RARB: variants seen among roughly 807,000 people sequenced by gnomAD.
RARB encodes HBV-activated protein.
A neutral mutation model predicts 51.9 loss-of-function variants in RARB; 17 were observed. That is an observed-to-expected ratio of 0.33 (90% CI 0.22 to 0.49). The LOEUF is 0.49. Ranked by LOEUF, RARB falls within the 20% of genes least tolerant of loss-of-function variation. The probability of loss-of-function intolerance (pLI) is 0.99; values close to 1 mark genes in which losing one functional copy is unlikely to be tolerated. For synonymous variants in RARB, 215 were observed against 195.4 expected (o/e 1.10, Z -0.84); for missense variants, 369 against 550.8 (o/e 0.67, Z 3.30).
chr3:24,873,327 C>T (rs141378107), intron 2 of RARB, among the ~76,000 whole-genome samples: 113 of 152,102 alleles, frequency 7.4e-4, no homozygotes, highest in Non-Finnish European at 1.4e-3. Context: ...CATTTAACTT[C>T]GTTAATGGTT....
intron 2 of RARB, among the ~76,000 whole-genome samples, chr3:24,867,754 C>G (rs1702878112): frequency 6.6e-6 from 1 of 151,884 alleles, no homozygotes; most frequent in Non-Finnish European, 1.5e-5. Context: ...TCCTCTTGTT[C>G]AGGTCCTGCC....
At chr3:25,051,113 T>A (rs1417676903) in intron 2 of RARB, among the ~76,000 whole-genome samples, 2 of 152,174 alleles carry the variant, frequency 1.3e-5, no homozygotes, top group African/African-American at 2.4e-5. Context: ...TAGGGTTTCC[T>A]TTTCTGAAGC....
chr3:25,582,954 A>G lies in RARB; in HGVS notation c.786+2232A>G, dbSNP rs187368296. On this transcript the variant is annotated intron_variant, in intron 5 of 7. Transcript: ENST00000330688. ...CTAGCACGTAGTAGGTACTTAGCCA[A>G]TGATGTTGATGACAAGGCCAAAGCT... Among the ~76,000 whole-genome samples, 67 of 152,334 alleles carry G rather than the reference A, an allele frequency of 4.4e-4. 1 individual carries two copies. The South Asian group carries it at 7.5e-3, about 17-fold the overall frequency.
At chr3:25,238,910 C>A (rs112056370) in intron 5 of RARB, among the ~76,000 whole-genome samples, 1 of 151,250 alleles carries the variant, frequency 6.6e-6, no homozygotes, top group East Asian at 2.0e-4. Flanking sequence ...ACCCAGGAGG[C>A]GGAGGTTGCA....
intron 5 of RARB, among the ~76,000 whole-genome samples, chr3:25,415,119 C>G (rs1489623387): frequency 1.3e-5 from 2 of 152,072 alleles, no homozygotes; most frequent in Admixed American, 6.6e-5. Context: ...TGGGATTGCG[C>G]TTTGCACTAT....
chr3:25,144,048 A>G (rs1334619252), intron 4 of RARB, among the ~76,000 whole-genome samples: 2 of 152,206 alleles, frequency 1.3e-5, no homozygotes, highest in African/African-American at 4.8e-5. Flanking sequence ...TCTTATGGGA[A>G]TCAATTTGCA....
chr3:25,240,477 C>A (rs1164830684), intron 5 of RARB, among the ~76,000 whole-genome samples: 1 of 151,842 alleles, frequency 6.6e-6, no homozygotes, highest in East Asian at 1.9e-4. Context: ...TTATATATGG[C>A]CTTTATTATA....
intron 2 of RARB, among the ~76,000 whole-genome samples, chr3:24,951,555 C>T (rs181215328): frequency 5.9e-5 from 9 of 152,176 alleles, no homozygotes; most frequent in Admixed American, 2.6e-4. Flanking sequence ...GTTTTGGGTC[C>T]GATGACATAT....
chr3:24,861,193 A>G (rs1282012387), intron 2 of RARB, among the ~76,000 whole-genome samples: 3 of 152,198 alleles, frequency 2.0e-5, no homozygotes, highest in South Asian at 2.1e-4. Context: ...AGTATAGTAT[A>G]ACTACTATTT....
At chr3:25,442,587 C>T (rs1261406828) in intron 1 of RARB, among the ~76,000 whole-genome samples, 1 of 152,102 alleles carries the variant, frequency 6.6e-6, no homozygotes, top group Non-Finnish European at 1.5e-5. Context: ...AGCCTTTACT[C>T]TTCTCTCCTA....
intron 5 of RARB, among the ~76,000 whole-genome samples, chr3:25,176,488 C>T (rs776393231): frequency 2.7e-5 from 4 of 150,892 alleles, no homozygotes; most frequent in African/African-American, 9.8e-5. Flanking sequence ...CTCCACCTCC[C>T]GGTTTCAGGT....
intron 3 of RARB, among the ~76,000 whole-genome samples, chr3:25,548,980 T>C (rs1699733785): frequency 6.6e-6 from 1 of 152,154 alleles, no homozygotes; most frequent in Non-Finnish European, 1.5e-5. Flanking sequence ...TGACTCACGT[T>C]AGGAAGTAAC....
At position 25,040,633 on chromosome 3, in the gene RARB, G is replaced by A. The variant is rs542592918; in HGVS notation, c.-379-19492G>A. Among the ~76,000 whole-genome samples, 3 of 152,056 alleles carry A rather than the reference G, an allele frequency of 2.0e-5. No individual in the cohort carries two copies. In the East Asian group the frequency reaches 5.8e-4, roughly 29 times the overall value. On this transcript the variant is annotated intron_variant, in intron 2 of 11. Coordinates refer to the RARB transcript ENST00000383772. ...CTATTGTCCTGCTCGGGAGACTGAG[G>A]CAGAAGCTACTCAGGAGACTGAGGC...
chr3:25,194,492 TACAC>T (rs1223450541), intron 5 of RARB, among the ~76,000 whole-genome samples: 1 of 150,506 alleles, frequency 6.6e-6, no homozygotes, highest in Admixed American at 6.7e-5. Context: ...TATATATATA[TACAC>T]ACACATAGTG....
At chr3:25,258,305 C>A (rs1230087342) in intron 5 of RARB, among the ~76,000 whole-genome samples, 1 of 152,062 alleles carries the variant, frequency 6.6e-6, no homozygotes, top group Non-Finnish European at 1.5e-5. Flanking sequence ...AGCTAATCAC[C>A]CCAAAGTGAT....
chr3:25,594,690 T>C lies in RARB; in HGVS notation c.1150+12T>C, dbSNP rs762166773. 2 of 1,605,506 alleles carry C rather than the reference T, an allele frequency of 1.2e-6. No individual in the cohort carries two copies. The highest frequency in any genetic ancestry group is 1.7e-6 in the Non-Finnish European group (2 of 1,176,826). On this transcript the variant is annotated intron_variant, in intron 7 of 7. Transcript: ENST00000330688. ...CATCAGTGCTAAAGGTATGTCTTCG[T>C]GCTCTCAGTACTGTAGTCACACAGT...
chr3:25,170,724 T>A (rs998235836), intron 4 of RARB, among the ~76,000 whole-genome samples: 1 of 152,158 alleles, frequency 6.6e-6, no homozygotes, highest in African/African-American at 2.4e-5. Context: ...AATGTTTTCA[T>A]AGAACAAAAA....
intron 1 of RARB, among the ~76,000 whole-genome samples, chr3:25,435,625 T>G (rs2125521558): frequency 6.6e-6 from 1 of 152,360 alleles, no homozygotes; most frequent in African/African-American, 2.4e-5. Flanking sequence ...CATGTGTTAT[T>G]GAAGAGAATT....
intron 5 of RARB, among the ~76,000 whole-genome samples, chr3:25,201,790 C>T (rs879303978): frequency 3.3e-5 from 5 of 152,240 alleles, no homozygotes; most frequent in South Asian, 2.1e-4. Context: ...CCCACTTGAT[C>T]GTGGTGGATA....
Sources: allele counts gnomAD v4.1 joint callset (sites outside exome capture counted in the v4.1 genomes callset), GRCh38; gene constraint gnomAD v4.1.1; transcripts MANE v1.5; gene names NCBI Gene and HGNC (gene_info 2026-07-23, HGNC 2026-07-21).